The following DACH2 variants were observed in gnomAD, a reference collection of about 807,000 sequenced individuals.
The protein encoded by DACH2 is dachshund homolog 2.
Under a neutral mutation model 35.8 loss-of-function variants are expected in DACH2, and 17 were observed. The ratio of observed to expected loss-of-function variants is 0.48; its 90% confidence interval spans 0.33 to 0.71. DACH2 has a LOEUF of 0.71. DACH2 is among the 30% of genes least tolerant of loss of function. The pLI, the probability that DACH2 is intolerant of heterozygous loss-of-function variation, is 0.02. For synonymous variants in DACH2, 195 were observed against 177.3 expected, an observed-to-expected ratio of 1.10 and a Z score of -0.79; for missense variants, 469 against 472.7, an observed-to-expected ratio of 0.99 and a Z score of 0.07.
At chrX:86,566,597 T>C (rs754994601) in intron 3 of DACH2, among the ~76,000 whole-genome samples, 1 of 111,566 alleles carries the variant, frequency 9.0e-6, no homozygotes, top group Admixed American at 9.6e-5. Flanking sequence ...TGTAGATATA[T>C]GTAAAAACAG....
intron 3 of DACH2, among the ~76,000 whole-genome samples, chrX:86,644,196 A>G (rs769523506): frequency 3.6e-5 from 4 of 110,390 alleles, no homozygotes; most frequent in Non-Finnish European, 7.7e-5. Context: ...GGACGATATG[A>G]TTCAGCTGAC....
intron 7 of DACH2, among the ~76,000 whole-genome samples, chrX:86,785,244 G>A (rs190330227): frequency 8.9e-6 from 1 of 112,077 alleles, no homozygotes; most frequent in East Asian, 2.8e-4. Context: ...TGTTGCGTAA[G>A]CAGTGAAATA....
chrX:86,637,206 CAAAAAAAAAAAAAAAAAAAAA>C (rs772970002), intron 3 of DACH2, among the ~76,000 whole-genome samples: 3 of 7,761 alleles, frequency 3.9e-4, no homozygotes, highest in Non-Finnish European at 7.1e-4. Flanking sequence ...ACTGAAAAGC[CAAAAAAAAAAAAAAAAAAAAA>C]AAAAAAAAAA....
chrX:86,477,016 G>A (rs973055577), intron 2 of DACH2, among the ~76,000 whole-genome samples: 1 of 110,399 alleles, frequency 9.1e-6, no homozygotes, highest in Non-Finnish European at 1.9e-5. Flanking sequence ...GAAGATGCTT[G>A]ATAGTATTTG....
chrX:86,684,959 T>C (rs1027016340), intron 4 of DACH2, among the ~76,000 whole-genome samples: 2 of 111,860 alleles, frequency 1.8e-5, no homozygotes, highest in Non-Finnish European at 3.8e-5. Context: ...AACTAATAAA[T>C]TTTATTAATT....
intron 3 of DACH2, among the ~76,000 whole-genome samples, chrX:86,522,561 G>T (rs1174624025): frequency 9.0e-6 from 1 of 111,177 alleles, no homozygotes; most frequent in African/African-American, 3.3e-5. Flanking sequence ...AGCAATATAA[G>T]AATACATTAT....
In DACH2 at chrX:86,374,611, T is replaced by A. The variant is rs916440014; in HGVS notation, c.489-2213T>A. Among the ~76,000 whole-genome samples the A allele has an allele frequency of 6.3e-5, 7 of 111,430 alleles. No homozygotes were observed. The East Asian group carries it at 2.0e-3, about 32-fold the overall frequency. On this transcript the variant is annotated intron_variant, in intron 1 of 11. Coordinates refer to ENST00000373125, the MANE Select transcript of DACH2 (RefSeq NM_053281.3). ...AACGTTCTTGACTGTGTGTAACCCT[T>A]GTTTTGTTAGTGGCTTTATAAGAAT...
intron 1 of DACH2, among the ~76,000 whole-genome samples, chrX:86,221,560 C>T (rs1374584697): frequency 1.8e-5 from 2 of 111,571 alleles, no homozygotes; most frequent in African/African-American, 3.3e-5. Flanking sequence ...TTTTGTGGTT[C>T]CACATGAATT....
chrX:86,480,504 G>C (rs1219208659), intron 2 of DACH2, among the ~76,000 whole-genome samples: 1 of 111,723 alleles, frequency 9.0e-6, no homozygotes, highest in East Asian at 2.8e-4. Flanking sequence ...AGAACCTGAA[G>C]CTCTACAATC....
Position 86,205,459 on chromosome X carries a change from TC to T in DACH2, c.488+56354del, listed in dbSNP as rs1425009797. On this transcript the variant is annotated intron_variant, in intron 1 of 11. Coordinates refer to ENST00000373125, the MANE Select transcript of DACH2 (RefSeq NM_053281.3). ...CTCCCTCCCTCCCTCCCTCCCTCCCTCCCTCCCTCCTTCCCTCCTTCCCTCC... is the reference window on the plus strand; with the variant it reads ...CTCCCTCCCTCCCTCCCTCCCTCCCTCCTCCCTCCTTCCCTCCTTCCCTCC... Among the ~76,000 whole-genome samples, 207 of 33,298 alleles carry T rather than the reference TC, an allele frequency of 6.2e-3. 3 individuals carry two copies. The highest frequency in any genetic ancestry group is 0.049 in the African/African-American group (199 of 4,091). The allele number at this position is 33,298 out of a possible 115,157, so 28.9% of individuals were successfully genotyped here.
chrX:86,443,622 C>T (rs1202759058), intron 2 of DACH2, among the ~76,000 whole-genome samples: 1 of 110,350 alleles, frequency 9.1e-6, no homozygotes, highest in Non-Finnish European at 1.9e-5. Flanking sequence ...AACTTTTTGC[C>T]ATTGAGTATG....
rs4276824 is a variant in DACH2 at position 86,646,253 on chromosome X, G to A, written c.641-4783G>A. Among the ~76,000 whole-genome samples the A allele has an allele frequency of 3.2e-3, 353 of 109,347 alleles. 1 individual carries two copies. Among genetic ancestry groups the A allele is most frequent in the African/African-American group, 0.011 (336 of 30,270 alleles). The allele number at this position is 109,347 out of a possible 115,157, so 95.0% of individuals were successfully genotyped here. A position where few individuals can be genotyped will look rare whatever the true frequency, so the allele number is the denominator to read the frequency against. Reference sequence around the variant, plus strand: ...GGAGCTAAATGACATGTATACATGCGCATAGAGTGTAAAGTAATAGTCATT... The same window carrying A: ...GGAGCTAAATGACATGTATACATGCACATAGAGTGTAAAGTAATAGTCATT... On this transcript the variant is annotated intron_variant, in intron 3 of 11. Transcript: ENST00000373125.
chrX:86,641,551 A>C (rs2040347148), intron 3 of DACH2, among the ~76,000 whole-genome samples: 1 of 112,200 alleles, frequency 8.9e-6, no homozygotes, highest in African/African-American at 3.2e-5. Flanking sequence ...GTTCATGAAA[A>C]CTTCCCAACC....
At chrX:86,579,859 A>T (rs1217459975) in intron 3 of DACH2, among the ~76,000 whole-genome samples, 1 of 112,465 alleles carries the variant, frequency 8.9e-6, no homozygotes, top group Admixed American at 9.4e-5. Context: ...ACACTGCTAT[A>T]CCACCACAGC....
chrX:86,615,147 A>G (rs769959248), intron 3 of DACH2, among the ~76,000 whole-genome samples: 1 of 111,879 alleles, frequency 8.9e-6, no homozygotes, highest in African/African-American at 3.2e-5. Flanking sequence ...CTTCATCTGA[A>G]GAAAGAGAAG....
rs754844904 is a variant in DACH2 at position 86,494,848 on chromosome X, G to A, written c.528-19431G>A. 1.1e-4 allele frequency among the ~76,000 whole-genome samples: 12 copies of A among 111,982 alleles called. No individual in the cohort carries two copies. The East Asian group carries it at 3.4e-3, about 31-fold the overall frequency. On this transcript the variant is annotated intron_variant, in intron 2 of 11. Transcript: ENST00000373125. ...AGTAGTATATAAATATTCAAAATGG[G>A]CATTGCCCAATGGAAATATAATGTG...
Position 86,551,554 on chromosome X carries a change from TTC to T in DACH2, c.640+37165_640+37166del, listed in dbSNP as rs749661617. The stretch of plus-strand genomic sequence containing the variant: ...ATTGCTAAATGTCACCAGGGAGAGT[TTC>T]TGTTGACATTTTGCATCTAACTATG... On this transcript the variant is annotated intron_variant, in intron 3 of 11. Transcript: ENST00000373125. Among the ~76,000 whole-genome samples, 420 of 112,053 alleles carry T rather than the reference TTC, an allele frequency of 3.7e-3. 6 individuals carry two copies. Among genetic ancestry groups the T allele is most frequent in the Non-Finnish European group, 5.2e-3 (276 of 53,163 alleles).
rs529373589 is a variant in DACH2 at position 86,495,219 on chromosome X, T to A, written c.528-19060T>A. On this transcript the variant is annotated intron_variant, in intron 2 of 11. Coordinates refer to ENST00000373125, the MANE Select transcript of DACH2 (RefSeq NM_053281.3). The stretch of plus-strand genomic sequence containing the variant: ...CCTGCTACCAGGCCTGGTTATTATT[T>A]TTTTTTTATTTTTATTTTTTAGTAG... 1.6e-4 allele frequency among the ~76,000 whole-genome samples: 18 copies of A among 109,102 alleles called. 1 individual carries two copies. The South Asian group carries it at 5.2e-3, about 32-fold the overall frequency. 94.7% of individuals were successfully genotyped at this position (109,102 alleles called of 115,157 possible).
chrX:86,284,359 T>C (rs1256327219), intron 1 of DACH2, among the ~76,000 whole-genome samples: 1 of 112,021 alleles, frequency 8.9e-6, no homozygotes, highest in Non-Finnish European at 1.9e-5. Flanking sequence ...ATGGTTGTTG[T>C]TCTTCATTCC....
Sources: gnomAD v4.1 joint callset for allele counts (sites outside exome capture counted in the v4.1 genomes callset) on GRCh38, gnomAD v4.1.1 for gene constraint, MANE v1.5 for transcripts, NCBI Gene and HGNC (gene_info 2026-07-23, HGNC 2026-07-21) for gene names.